Variants in TTC28 observed in about 807,000 individuals in gnomAD.
The protein encoded by TTC28 is tetratricopeptide repeat protein 28.
In TTC28, 61 loss-of-function variants were observed where a neutral mutation model predicts 198.0. That is an observed-to-expected ratio of 0.31 (90% confidence interval 0.25 to 0.38). The LOEUF (loss-of-function observed/expected upper bound fraction) is 0.38. TTC28 is among the 10% of genes least tolerant of loss of function. The pLI, the probability that TTC28 is intolerant of heterozygous loss-of-function variation, is 1.00. For synonymous variants in TTC28, 1,171 were observed against 1,297.8 expected (o/e 0.90, Z 2.10); for missense variants, 2,678 against 3,164.0 (o/e 0.85, Z 3.69).
At chr22:28,497,054 G>C (rs936273426) in intron 2 of TTC28, among the ~76,000 whole-genome samples, 6 of 152,026 alleles carry the variant, frequency 3.9e-5, no homozygotes, top group African/African-American at 1.4e-4. Context: ...CCTCCCTAAT[G>C]ACCCTATTTG....
chr22:28,132,182 C>T (rs920021129), intron 6 of TTC28, among the ~76,000 whole-genome samples: 11 of 152,132 alleles, frequency 7.2e-5, no homozygotes, highest in African/African-American at 2.7e-4. Context: ...GAGTCTAATA[C>T]GTGAATTGCT....
At position 28,034,709 on chromosome 22, in the gene TTC28, G is replaced by C. The variant is rs116031019; in HGVS notation, c.3933-4343C>G. Among the ~76,000 whole-genome samples, 1,436 of 152,298 alleles carry C rather than the reference G, an allele frequency of 9.4e-3. 25 individuals are homozygous for C. The highest frequency in any genetic ancestry group is 0.032 in the African/African-American group (1,336 of 41,550). On this transcript the variant is annotated intron_variant, in intron 12 of 22. Transcript: ENST00000397906. ...GGCAAAAGGTCAAAGTCAGTACAAG[G>C]TGGCCTAAGCAGAGGGCAGCAAGGT...
intron 13 of TTC28, among the ~76,000 whole-genome samples, chr22:28,027,068 T>C (rs535660462): frequency 6.6e-6 from 1 of 152,196 alleles, no homozygotes; most frequent in Non-Finnish European, 1.5e-5. Context: ...CCAGGTCCAG[T>C]CACATACACA....
intron 12 of TTC28, among the ~76,000 whole-genome samples, chr22:28,062,833 A>C (rs1206483522): frequency 3.3e-5 from 5 of 152,132 alleles, no homozygotes; most frequent in African/African-American, 1.2e-4. Context: ...AGCATAGTTC[A>C]TTGAGCATAT....
In TTC28 at chr22:28,279,357, A is replaced by C. The variant is rs534270967; in HGVS notation, c.933+16841T>G. ...ATAATAAAATGCACAAATTTTAAAC[A>C]TACCATTTGATGAGGTTTTGTTTGT... is the stretch of plus-strand genomic sequence containing the variant. On this transcript the variant is annotated intron_variant, in intron 5 of 22. Coordinates refer to ENST00000397906, the MANE Select transcript of TTC28 (RefSeq NM_001145418.2). 1.8e-4 allele frequency among the ~76,000 whole-genome samples: 28 copies of C among 152,292 alleles called. No individual in the cohort carries two copies. The East Asian group carries it at 4.8e-3, about 26-fold the overall frequency.
At chr22:28,058,418 C>A (rs73166788) in intron 12 of TTC28, among the ~76,000 whole-genome samples, 5,015 of 151,928 alleles carry the variant, frequency 0.033, 116 homozygotes, top group Middle Eastern at 0.065. Context: ...GTTGAGTCTT[C>A]CAATATGTTA....
At chr22:28,295,974 AGGT>A (rs1486956978) in intron 5 of TTC28, among the ~76,000 whole-genome samples, 1 of 152,186 alleles carries the variant, frequency 6.6e-6, no homozygotes, top group African/African-American at 2.4e-5. Flanking sequence ...TTAGATCGTG[AGGT>A]CAAGAACAAG....
intron 8 of TTC28, among the ~76,000 whole-genome samples, chr22:28,102,771 T>G (rs571665040): frequency 6.6e-6 from 1 of 152,318 alleles, no homozygotes; most frequent in South Asian, 2.1e-4. Context: ...AAATATACAT[T>G]TCAAAATGCT....
chr22:28,293,407 A>T (rs1391363605), intron 5 of TTC28, among the ~76,000 whole-genome samples: 1 of 152,218 alleles, frequency 6.6e-6, no homozygotes, highest in Admixed American at 6.5e-5. Flanking sequence ...TTATATATGG[A>T]GTCTAAAATA....
intron 12 of TTC28, among the ~76,000 whole-genome samples, chr22:28,091,641 C>G (rs984122251): frequency 6.6e-6 from 1 of 152,016 alleles, no homozygotes; most frequent in Admixed American, 6.6e-5. Flanking sequence ...CAAGGCTGAC[C>G]CCATGGTGGA....
chr22:28,209,244 T>C (rs1445213393), intron 5 of TTC28, among the ~76,000 whole-genome samples: 5 of 152,124 alleles, frequency 3.3e-5, no homozygotes, highest in Non-Finnish European at 7.4e-5. Flanking sequence ...ACACAGAAGA[T>C]GGGTGATTTC....
chr22:28,515,597 T>G (rs2048770236), intron 2 of TTC28, among the ~76,000 whole-genome samples: 1 of 152,160 alleles, frequency 6.6e-6, no homozygotes, highest in Admixed American at 6.6e-5. Flanking sequence ...AATCTAATCT[T>G]TGGGCAATGC....
chr22:28,385,236 C>CT (rs926834765), intron 2 of TTC28, among the ~76,000 whole-genome samples: 29 of 143,272 alleles, frequency 2.0e-4, no homozygotes, highest in Admixed American at 4.2e-4. Context: ...TTTCTTTTTT[C>CT]TTTTTTTTTT....
At chr22:28,389,435 A>G (rs2046675693) in intron 2 of TTC28, among the ~76,000 whole-genome samples, 1 of 150,406 alleles carries the variant, frequency 6.6e-6, no homozygotes, top group Admixed American at 6.6e-5. Context: ...TCCTCCTTGT[A>G]CCTCTGGTAG....
intron 2 of TTC28, among the ~76,000 whole-genome samples, chr22:28,321,053 T>C (rs968321274): frequency 2.0e-5 from 3 of 152,222 alleles, no homozygotes; most frequent in Non-Finnish European, 2.9e-5. Flanking sequence ...GGAAATTCAC[T>C]TGAAAATATC....
chr22:28,032,173 T>TA (rs1418784287), intron 12 of TTC28, among the ~76,000 whole-genome samples: 5 of 104,190 alleles, frequency 4.8e-5, no homozygotes, highest in African/African-American at 1.9e-4. Context: ...TGTGTGTATA[T>TA]ATATATATAT....
At chr22:28,209,240 A>T (rs540275596) in intron 5 of TTC28, among the ~76,000 whole-genome samples, 123 of 152,306 alleles carry the variant, frequency 8.1e-4, no homozygotes, top group African/African-American at 2.8e-3. Context: ...AGCGACACAG[A>T]AGATGGGTGA....
intron 12 of TTC28, among the ~76,000 whole-genome samples, chr22:28,085,193 C>G (rs1357014187): frequency 1.3e-5 from 2 of 151,756 alleles, no homozygotes; most frequent in Admixed American, 1.3e-4. Flanking sequence ...AAGAGCAACT[C>G]CAAGACACAT....
intron 2 of TTC28, among the ~76,000 whole-genome samples, chr22:28,486,233 A>G (rs2048313451): frequency 6.6e-6 from 1 of 152,206 alleles, no homozygotes; most frequent in Non-Finnish European, 1.5e-5. Context: ...TCAGGTTGAA[A>G]GAAACAAGGA....
Sources: allele counts gnomAD v4.1 joint callset (sites outside exome capture counted in the v4.1 genomes callset), GRCh38; gene constraint gnomAD v4.1.1; transcripts MANE v1.5; gene names NCBI Gene and HGNC (gene_info 2026-07-23, HGNC 2026-07-21).